Variants in PRKG1 observed in about 807,000 individuals in gnomAD.
PRKG1 encodes the protein protein kinase cGMP-dependent 1.
In PRKG1, 35 loss-of-function variants were observed where a neutral mutation model predicts 88.1. The observed-to-expected ratio is 0.40, with a 90% CI of 0.30 to 0.53. PRKG1 has a LOEUF of 0.53. Ranked by LOEUF, PRKG1 falls within the 20% of genes least tolerant of loss-of-function variation. The pLI is 0.59. For synonymous variants in PRKG1, 303 were observed against 292.5 expected, an observed-to-expected ratio of 1.04 and a Z score of -0.37; for missense variants, 540 against 839.8, an observed-to-expected ratio of 0.64 and a Z score of 4.41.
chr10:51,945,564 A>C (rs1419958790), intron 5 of PRKG1, among the ~76,000 whole-genome samples: 2 of 151,890 alleles, frequency 1.3e-5, no homozygotes, highest in Non-Finnish European at 2.9e-5. Flanking sequence ...TGGTCTTTAC[A>C]ATTTGGCATG....
At chr10:51,366,464 A>C (rs768992903) in intron 2 of PRKG1, among the ~76,000 whole-genome samples, 3 of 151,912 alleles carry the variant, frequency 2.0e-5, no homozygotes, top group Non-Finnish European at 1.5e-5. Context: ...ATCAGCCCAT[A>C]CTTTATGGAG....
intron 3 of PRKG1, among the ~76,000 whole-genome samples, chr10:51,766,064 G>A (rs1040131099): frequency 7.9e-5 from 12 of 151,890 alleles, no homozygotes; most frequent in East Asian, 7.7e-4. Flanking sequence ...GCAGTCTCTC[G>A]TTGCCCAAGA....
intron 5 of PRKG1, among the ~76,000 whole-genome samples, chr10:51,995,009 A>T (rs1844402572): frequency 6.6e-6 from 1 of 152,204 alleles, no homozygotes; most frequent in Admixed American, 6.5e-5. Context: ...CTTCACAGCA[A>T]CACTGGAAGA....
intron 9 of PRKG1, among the ~76,000 whole-genome samples, chr10:52,240,949 C>G (rs1840844071): frequency 6.6e-6 from 1 of 152,078 alleles, no homozygotes; most frequent in African/African-American, 2.4e-5. Flanking sequence ...TGGTAATTAA[C>G]TGCTGTATAG....
chr10:51,056,291 C>A (rs1778802817), intron 1 of PRKG1, among the ~76,000 whole-genome samples: 1 of 152,196 alleles, frequency 6.6e-6, no homozygotes, highest in Admixed American at 6.5e-5. Flanking sequence ...GGAGCCCTAG[C>A]TCTGTGAATA....
At chr10:52,138,724 T>G (rs1162129685) in intron 8 of PRKG1, among the ~76,000 whole-genome samples, 1 of 152,040 alleles carries the variant, frequency 6.6e-6, no homozygotes, top group Non-Finnish European at 1.5e-5. Flanking sequence ...ATAAAAATTA[T>G]GAAATTAGGA....
intron 2 of PRKG1, among the ~76,000 whole-genome samples, chr10:51,419,393 A>T (rs931188738): frequency 1.3e-5 from 2 of 152,148 alleles, no homozygotes; most frequent in African/African-American, 4.8e-5. Context: ...TAACCATGGC[A>T]ACCTCCATGG....
chr10:51,656,046 G>A (rs766349405), intron 3 of PRKG1, among the ~76,000 whole-genome samples: 11 of 152,212 alleles, frequency 7.2e-5, no homozygotes, highest in Non-Finnish European at 7.4e-5. Flanking sequence ...CAGAATGTAA[G>A]CAACATCTAG....
At chr10:51,506,571 T>G (rs1238482543) in intron 3 of PRKG1, among the ~76,000 whole-genome samples, 2 of 152,190 alleles carry the variant, frequency 1.3e-5, no homozygotes, top group Non-Finnish European at 2.9e-5. Flanking sequence ...TCACTGGCTA[T>G]CAGAGAAATG....
chr10:51,457,954 T>C lies in PRKG1; in HGVS notation c.479-9769T>C, dbSNP rs902325716. On this transcript the variant is annotated intron_variant, in intron 2 of 17. Coordinates refer to ENST00000373980, the MANE Select transcript of PRKG1 (RefSeq NM_006258.4). ...CTCACCCCCAACCTGCCCCAGGCCATTTGTATAATTGCTTTTGAGAAAATA... is the reference window on the plus strand; with the variant it reads ...CTCACCCCCAACCTGCCCCAGGCCACTTGTATAATTGCTTTTGAGAAAATA... 2.6e-5 allele frequency among the ~76,000 whole-genome samples: 4 copies of C among 152,148 alleles called. No individual in the cohort carries two copies. In the South Asian group the frequency reaches 6.2e-4, roughly 24 times the overall value.
At chr10:52,277,326 G>A (rs1424792441) in intron 12 of PRKG1, among the ~76,000 whole-genome samples, 1 of 151,970 alleles carries the variant, frequency 6.6e-6, no homozygotes, top group Admixed American at 6.6e-5. Context: ...ATAACAGAGA[G>A]GATTGGTGTT....
intron 9 of PRKG1, among the ~76,000 whole-genome samples, chr10:52,243,996 A>T (rs1840935047): frequency 6.6e-6 from 1 of 152,124 alleles, no homozygotes; most frequent in Non-Finnish European, 1.5e-5. Context: ...ACGTTATCTC[A>T]AATTCCCTGA....
chr10:51,717,080 T>TG (rs1841904054), intron 3 of PRKG1, among the ~76,000 whole-genome samples: 1 of 152,138 alleles, frequency 6.6e-6, no homozygotes, highest in African/African-American at 2.4e-5. Flanking sequence ...AACACACTGG[T>TG]GGGCAGCGGA....
intron 3 of PRKG1, among the ~76,000 whole-genome samples, chr10:51,552,058 A>C (rs1204996527): frequency 6.6e-6 from 1 of 151,680 alleles, no homozygotes; most frequent in East Asian, 1.9e-4. Flanking sequence ...TGTAAATAGT[A>C]CTTAATATCT....
chr10:51,756,662 A>G (rs1012300158), intron 3 of PRKG1, among the ~76,000 whole-genome samples: 1 of 151,662 alleles, frequency 6.6e-6, no homozygotes, highest in African/African-American at 2.4e-5. Flanking sequence ...AAAATACAAA[A>G]ACATTAGCCA....
chr10:51,114,304 A>G lies in PRKG1; in HGVS notation c.312-38860A>G, dbSNP rs779854910. ...GATTATTTTCTGTGCAATAAAGAGT[A>G]GAAATAGCTTCATTGATATATTTTG... On this transcript the variant is annotated intron_variant, in intron 1 of 17. Coordinates refer to ENST00000373980, the MANE Select transcript of PRKG1 (RefSeq NM_006258.4). Among the ~76,000 whole-genome samples, 22 of 152,274 alleles carry G rather than the reference A, an allele frequency of 1.4e-4. No individual in the cohort carries two copies. The East Asian group carries it at 1.9e-3, about 13-fold the overall frequency.
chr10:52,034,811 G>A (rs1197038584), intron 5 of PRKG1, among the ~76,000 whole-genome samples: 4 of 152,178 alleles, frequency 2.6e-5, no homozygotes, highest in Non-Finnish European at 4.4e-5. Context: ...TTGGTCTGGT[G>A]TCTGGAATGA....
intron 3 of PRKG1, among the ~76,000 whole-genome samples, chr10:51,639,456 A>T: frequency 7.0e-6 from 1 of 143,098 alleles, no homozygotes; most frequent in South Asian, 2.3e-4. Flanking sequence ...AAAAAAAAAA[A>T]AAAAAAAAAA....
At chr10:51,483,167 C>T (rs1840422714) in intron 3 of PRKG1, among the ~76,000 whole-genome samples, 2 of 151,972 alleles carry the variant, frequency 1.3e-5, no homozygotes, top group African/African-American at 4.8e-5. Context: ...ACTATAGGCG[C>T]CTGCCACCAC....
Sources: gnomAD v4.1 joint callset for allele counts (sites outside exome capture counted in the v4.1 genomes callset) on GRCh38, gnomAD v4.1.1 for gene constraint, MANE v1.5 for transcripts, NCBI Gene and HGNC (gene_info 2026-07-23, HGNC 2026-07-21) for gene names.